The following RALA variants were observed in gnomAD, a reference collection of about 807,000 sequenced individuals.
RALA encodes RAS like proto-oncogene A.
Under a neutral mutation model 24.0 loss-of-function variants are expected in RALA, and 5 were observed. The observed-to-expected ratio is 0.21, with a 90% CI of 0.11 to 0.44. The LOEUF is 0.44. RALA is among the 20% of genes least tolerant of loss of function. RALA has a pLI of 0.99. For synonymous variants in RALA, 77 were observed against 83.8 expected, an observed-to-expected ratio of 0.92 and a Z score of 0.44; for missense variants, 95 against 241.2, an observed-to-expected ratio of 0.39 and a Z score of 4.01.
chr7:39,670,242 C>T (rs1225992082), intron 1 of RALA, among the ~76,000 whole-genome samples: 1 of 152,176 alleles, frequency 6.6e-6, no homozygotes, highest in African/African-American at 2.4e-5. Context: ...AATTCCTGAG[C>T]TTAAGTGATC....
chr7:39,643,724 C>T (rs780026607), intron 1 of RALA, among the ~76,000 whole-genome samples: 5 of 152,032 alleles, frequency 3.3e-5, no homozygotes, highest in Non-Finnish European at 7.4e-5. Context: ...GGTGTCGTGG[C>T]GCACGCCTGT....
intron 1 of RALA, among the ~76,000 whole-genome samples, chr7:39,661,955 C>T (rs896635579): frequency 6.6e-6 from 1 of 152,208 alleles, no homozygotes; most frequent in African/African-American, 2.4e-5. Flanking sequence ...CAGAGGTTCC[C>T]AAACCTCAGT....
intron 1 of RALA, among the ~76,000 whole-genome samples, chr7:39,629,179 T>C (rs1466653069): frequency 1.3e-5 from 2 of 152,200 alleles, no homozygotes; most frequent in African/African-American, 4.8e-5. Flanking sequence ...TGTGGGGTTA[T>C]ACTATTTTGC....
At chr7:39,700,154 C>T (rs535553135) in intron 4 of RALA, among the ~76,000 whole-genome samples, 1 of 152,118 alleles carries the variant, frequency 6.6e-6, no homozygotes, top group African/African-American at 2.4e-5. Flanking sequence ...GGTATAAGGC[C>T]GTTTTAGTTA....
chr7:39,658,718 G>A (rs1042449158), intron 1 of RALA, among the ~76,000 whole-genome samples: 4 of 151,922 alleles, frequency 2.6e-5, no homozygotes, highest in African/African-American at 7.2e-5. Flanking sequence ...ACCTGTAAGC[G>A]AATCTTCCCT....
In RALA at chr7:39,634,327, G is replaced by A. The variant is rs867354208; in HGVS notation, c.-38+10502G>A. ...TCTCTCTGGGTCTTGCTGCCTCACT[G>A]GTATGAAATTCAGACTTGGGTGGGG... On this transcript the variant is annotated intron_variant, in intron 1 of 4. Transcript: ENST00000005257. 5.3e-5 allele frequency among the ~76,000 whole-genome samples: 8 copies of A among 152,278 alleles called. 1 individual carries two copies. In the Middle Eastern group the frequency reaches 0.02, roughly 388 times the overall value.
chr7:39,658,213 A>G (rs901677422), intron 1 of RALA, among the ~76,000 whole-genome samples: 1 of 152,196 alleles, frequency 6.6e-6, no homozygotes, highest in Non-Finnish European at 1.5e-5. Flanking sequence ...CATCCTAGAC[A>G]TAACAGTGGT....
intron 1 of RALA, among the ~76,000 whole-genome samples, chr7:39,626,246 A>T (rs917071736): frequency 1.3e-5 from 2 of 152,204 alleles, no homozygotes; most frequent in African/African-American, 4.8e-5. Flanking sequence ...CTGTGATAAG[A>T]GCTTTACTTA....
chr7:39,669,158 T>C (rs1256960662), intron 1 of RALA, among the ~76,000 whole-genome samples: 1 of 152,064 alleles, frequency 6.6e-6, no homozygotes, highest in Non-Finnish European at 1.5e-5. Context: ...ACGTAAGTAG[T>C]AAGGAATGCA....
At chr7:39,635,512 C>G (rs1299423087) in intron 1 of RALA, among the ~76,000 whole-genome samples, 2 of 152,200 alleles carry the variant, frequency 1.3e-5, no homozygotes, top group African/African-American at 4.8e-5. Flanking sequence ...ATTTCTTCTG[C>G]CCCTCAGCCC....
At chr7:39,690,255 A>T in intron 2 of RALA, 127 bp from the exon 3 acceptor site, 1 of 707,414 alleles carries the variant, frequency 1.4e-6, no homozygotes, top group Non-Finnish European at 2.2e-6. Context: ...CATTGGAGGA[A>T]TCTGGGCAAA....
intron 1 of RALA, among the ~76,000 whole-genome samples, chr7:39,668,400 A>G (rs1012291565): frequency 5.3e-5 from 8 of 152,242 alleles, no homozygotes; most frequent in South Asian, 2.1e-4. Context: ...GAAGAATTCA[A>G]AACAGCTCTA....
chr7:39,664,980 G>A (rs753534266), intron 1 of RALA, among the ~76,000 whole-genome samples: 4 of 152,226 alleles, frequency 2.6e-5, no homozygotes, highest in South Asian at 2.1e-4. Context: ...TTTTGACTTC[G>A]TTTACAACAT....
At chr7:39,629,318 G>T (rs1214547679) in intron 1 of RALA, among the ~76,000 whole-genome samples, 1 of 152,146 alleles carries the variant, frequency 6.6e-6, no homozygotes, top group Admixed American at 6.5e-5. Flanking sequence ...TTTTCCATTT[G>T]TACTTCTATT....
rs1304872647 is a variant in RALA, at chr7:39,707,763, T to C, written c.*1518T>C. On this transcript the variant is annotated 3_prime_UTR_variant, in exon 5 of 5. Transcript: ENST00000005257. ...AAAAATAGGCTTTTTAGGAACTCAC[T>C]CTTTAGATATTTACATCCAGCTTCT... 1 of 152,666 alleles carries C rather than the reference T, an allele frequency of 6.6e-6. No individual in the cohort carries two copies. Among genetic ancestry groups the C allele is most frequent in the African/African-American group, 2.4e-5 (1 of 41,458 alleles). The allele number at this position is 152,666 out of a possible 1,614,324, so 9.5% of individuals were successfully genotyped here. A position where few individuals can be genotyped will look rare whatever the true frequency, so the allele number is the denominator to read the frequency against.
chr7:39,667,909 A>G (rs1388556544), intron 1 of RALA, among the ~76,000 whole-genome samples: 4 of 152,202 alleles, frequency 2.6e-5, no homozygotes, highest in Non-Finnish European at 4.4e-5. Context: ...GTGAATTTAA[A>G]GTGTCTTCCT....
chr7:39,629,816 C>T (rs1187598410), intron 1 of RALA, among the ~76,000 whole-genome samples: 1 of 152,104 alleles, frequency 6.6e-6, no homozygotes, highest in Non-Finnish European at 1.5e-5. Context: ...AGGATGGTCT[C>T]GATCTCCTGA....
chr7:39,627,673 G>A (rs1791517793), intron 1 of RALA, among the ~76,000 whole-genome samples: 1 of 152,198 alleles, frequency 6.6e-6, no homozygotes, highest in African/African-American at 2.4e-5. Context: ...TAGTTGAGAA[G>A]CTAACATAGT....
chr7:39,662,804 C>T (rs771359964), intron 1 of RALA, among the ~76,000 whole-genome samples: 7 of 152,180 alleles, frequency 4.6e-5, no homozygotes, highest in Non-Finnish European at 1.0e-4. Flanking sequence ...GTCGCTTCCA[C>T]ATTTTTGGGT....
Sources: gnomAD v4.1 joint callset for allele counts (sites outside exome capture counted in the v4.1 genomes callset) on GRCh38, gnomAD v4.1.1 for gene constraint, MANE v1.5 for transcripts, NCBI Gene and HGNC (gene_info 2026-07-23, HGNC 2026-07-21) for gene names.